CRIM1: variants seen among roughly 807,000 people sequenced by gnomAD.
CRIM1 encodes cysteine-rich motor neuron 1 protein.
Under a neutral mutation model 116.4 loss-of-function variants are expected in CRIM1, and 32 were observed. That is an observed-to-expected ratio of 0.27 (90% CI 0.21 to 0.37). The LOEUF (loss-of-function observed/expected upper bound fraction) is 0.37, where lower values mean the gene tolerates loss of function less well. Ranked by LOEUF, CRIM1 falls within the 10% of genes least tolerant of loss-of-function variation. CRIM1 has a pLI of 1.00. For missense variants in CRIM1, 1,331 were observed against 1,354.8 expected (o/e 0.98, Z 0.28); for synonymous variants, 590 against 509.2 (o/e 1.16, Z -2.13).
intron 1 of CRIM1, among the ~76,000 whole-genome samples, chr2:36,364,569 AG>A (rs1473468245): frequency 3.3e-5 from 5 of 152,168 alleles, no homozygotes; most frequent in African/African-American, 1.2e-4. Context: ...GAAAGACCTG[AG>A]GGTCTCCTCT....
intron 13 of CRIM1, among the ~76,000 whole-genome samples, chr2:36,534,550 AGGG>A (rs1236182844): frequency 1.8e-5 from 2 of 108,300 alleles, no homozygotes; most frequent in African/African-American, 7.6e-5. Flanking sequence ...GAAGGGAGAG[AGGG>A]AGGGACAGGA....
rs2125202810 is a variant in CRIM1 at position 36,548,811 on chromosome 2, T to G, written c.*110T>G. The stretch of plus-strand genomic sequence containing the variant: ...TAGTGGATTGTATTGGATTGTGACT[T>G]GATGTACAGCGCTAAGACCTTACTG... On this transcript the variant is annotated 3_prime_UTR_variant, in exon 17 of 17. Transcript: ENST00000280527. 1.1e-6 allele frequency: 1 copy of G among 896,354 alleles called. No homozygotes were observed. The highest frequency in any genetic ancestry group is 1.7e-6 in the Non-Finnish European group (1 of 588,686). The allele number at this position is 896,354 out of a possible 1,614,324, so 55.5% of individuals were successfully genotyped here. A position where few individuals can be genotyped will look rare whatever the true frequency, so the allele number is the denominator to read the frequency against.
chr2:36,422,094 T>C (rs543491697), intron 2 of CRIM1, among the ~76,000 whole-genome samples: 50 of 151,172 alleles, frequency 3.3e-4, no homozygotes, highest in Middle Eastern at 3.4e-3. Context: ...TACAGAAAAA[T>C]GTTGAGAAGT....
chr2:36,455,713 T>A (rs1558604824), intron 4 of CRIM1, among the ~76,000 whole-genome samples: 1 of 152,176 alleles, frequency 6.6e-6, no homozygotes, highest in Non-Finnish European at 1.5e-5. Flanking sequence ...TCAGTCTCAC[T>A]GGAGATGGCT....
chr2:36,518,924 G>T lies in CRIM1; in HGVS notation c.2206+1382G>T, dbSNP rs17018960. Among the ~76,000 whole-genome samples, 969 of 152,268 alleles carry T rather than the reference G, an allele frequency of 6.4e-3. 5 individuals are homozygous for T. The highest frequency in any genetic ancestry group is 0.016 in the African/African-American group (677 of 41,532). On this transcript the variant is annotated intron_variant, in intron 12 of 16. Transcript: ENST00000280527. ...TGAATTGAACTATGGGGATTCCAAG[G>T]TTAATGAAAACAGACATGATTCCTG...
chr2:36,464,425 C>A, intron 4 of CRIM1, 109 bp from the exon 5 acceptor site: 1 of 1,116,852 alleles, frequency 9.0e-7, no homozygotes, highest in Non-Finnish European at 1.3e-6. Flanking sequence ...GAGGCAGTGT[C>A]GTATAGACCA....
chr2:36,425,913 G>C (rs1303874056), intron 2 of CRIM1, among the ~76,000 whole-genome samples: 2 of 152,216 alleles, frequency 1.3e-5, no homozygotes, highest in Non-Finnish European at 2.9e-5. Context: ...GTCATGTAGT[G>C]GTTTGTCATT....
chr2:36,358,542 A>G (rs898028282), intron 1 of CRIM1, among the ~76,000 whole-genome samples: 3 of 152,214 alleles, frequency 2.0e-5, no homozygotes, highest in African/African-American at 7.2e-5. Context: ...CCCATGTCAC[A>G]GTATAGAGTT....
Position 36,442,607 on chromosome 2 carries a change from C to A in CRIM1, c.749-8C>A, listed in dbSNP as rs1267185333. 6.2e-7 allele frequency: 1 copy of A among 1,614,082 alleles called. No individual in the cohort carries two copies. The highest frequency in any genetic ancestry group is 1.1e-5 in the South Asian group (1 of 91,064). Reference sequence around the variant, plus strand: ...AATAAACGGTGCCTCTCTGTTTGCCCCTTTCAGTTTTCGGCGTGGACTGCA... The same window carrying A: ...AATAAACGGTGCCTCTCTGTTTGCCACTTTCAGTTTTCGGCGTGGACTGCA... On this transcript the variant is annotated splice_region_variant and splice_polypyrimidine_tract_variant and intron_variant, in intron 3 of 16. Transcript: ENST00000280527.
At chr2:36,430,880 TAA>T (rs1674835268) in intron 2 of CRIM1, among the ~76,000 whole-genome samples, 1 of 152,236 alleles carries the variant, frequency 6.6e-6, no homozygotes, top group Admixed American at 6.5e-5. Context: ...GACAACTTTG[TAA>T]ACAGGGCCCA....
intron 1 of CRIM1, among the ~76,000 whole-genome samples, chr2:36,369,551 G>A (rs1210341795): frequency 6.6e-6 from 1 of 152,142 alleles, no homozygotes; most frequent in South Asian, 2.1e-4. Context: ...CTGTAAAAAT[G>A]TTTGCAGGGG....
chr2:36,535,125 GA>G (rs1241642841), intron 13 of CRIM1, among the ~76,000 whole-genome samples: 4 of 131,054 alleles, frequency 3.1e-5, no homozygotes, highest in African/African-American at 8.9e-5. Flanking sequence ...GGGAGGGAGG[GA>G]GGGAGGGAAG....
chr2:36,546,661 A>G (rs1419735835), intron 15 of CRIM1, among the ~76,000 whole-genome samples: 1 of 151,292 alleles, frequency 6.6e-6, no homozygotes, highest in Non-Finnish European at 1.5e-5. Flanking sequence ...AAATATTTTC[A>G]TGGTCTAATT....
chr2:36,547,959 C>G (rs1271985798), intron 16 of CRIM1, among the ~76,000 whole-genome samples: 1 of 152,206 alleles, frequency 6.6e-6, no homozygotes, highest in East Asian at 1.9e-4. Context: ...GTTAACCCTT[C>G]CATGTAAAAA....
intron 7 of CRIM1, among the ~76,000 whole-genome samples, chr2:36,485,122 A>C (rs1177202139): frequency 6.6e-6 from 1 of 152,214 alleles, no homozygotes; most frequent in Non-Finnish European, 1.5e-5. Flanking sequence ...GCTAACCTGG[A>C]CTTAACTCTT....
At chr2:36,462,016 T>A (rs1558329187) in intron 4 of CRIM1, among the ~76,000 whole-genome samples, 1 of 152,092 alleles carries the variant, frequency 6.6e-6, no homozygotes, top group Non-Finnish European at 1.5e-5. Flanking sequence ...ATCAGAAGGC[T>A]TTGCAGGGAA....
At chr2:36,363,664 G>A (rs1265606878) in intron 1 of CRIM1, among the ~76,000 whole-genome samples, 1 of 149,184 alleles carries the variant, frequency 6.7e-6, no homozygotes, top group Non-Finnish European at 1.5e-5. Flanking sequence ...CCATTTATCT[G>A]TGAACAAATA....
chr2:36,489,735 A>C (rs1012316574), intron 7 of CRIM1, among the ~76,000 whole-genome samples: 1 of 152,200 alleles, frequency 6.6e-6, no homozygotes, highest in Non-Finnish European at 1.5e-5. Flanking sequence ...CAAAGATAAA[A>C]AGTAGTATAA....
At chr2:36,537,829 C>A (rs1666660631) in intron 14 of CRIM1, among the ~76,000 whole-genome samples, 1 of 152,186 alleles carries the variant, frequency 6.6e-6, no homozygotes, top group Admixed American at 6.5e-5. Context: ...GACACCTGCC[C>A]TATTAGACTA....
Sources: gnomAD v4.1 joint callset for allele counts (sites outside exome capture counted in the v4.1 genomes callset) on GRCh38, gnomAD v4.1.1 for gene constraint, MANE v1.5 for transcripts, NCBI Gene and HGNC (gene_info 2026-07-23, HGNC 2026-07-21) for gene names.